Variants in SENP6 observed in about 807,000 individuals in gnomAD.
The protein encoded by SENP6 is sentrin-specific protease 6.
Under a neutral mutation model 134.5 loss-of-function variants are expected in SENP6, and 41 were observed. The ratio of observed to expected loss-of-function variants is 0.30; its 90% CI spans 0.24 to 0.40. The LOEUF is 0.40. SENP6 is among the 10% of genes least tolerant of loss of function. SENP6 has a pLI of 1.00. For missense variants in SENP6, 1,248 were observed against 1,312.5 expected, an observed-to-expected ratio of 0.95 and a Z score of 0.76; for synonymous variants, 395 against 429.8, an observed-to-expected ratio of 0.92 and a Z score of 1.00.
intron 9 of SENP6, 22 bp downstream of exon 9, chr6:75,663,540 A>G (rs1771939061): frequency 1.9e-6 from 3 of 1,549,254 alleles, no homozygotes; most frequent in Non-Finnish European, 8.8e-7. Context: ...ACTCCCTTTA[A>G]TATTGCTTAT....
chr6:75,679,827 T>C (rs376601021), intron 16 of SENP6: 12 of 152,344 alleles, frequency 7.9e-5, no homozygotes, highest in African/African-American at 2.6e-4. Flanking sequence ...TAGTTTCTTA[T>C]ACTGTGTTTC....
At chr6:75,643,961 G>A (rs1431989805) in intron 6 of SENP6, 1 of 152,094 alleles carries the variant, frequency 6.6e-6, no homozygotes, top group African/African-American at 2.4e-5. Context: ...TCCAGATCCT[G>A]GTTTCTAAAT....
intron 1 of SENP6, among the ~76,000 whole-genome samples, chr6:75,613,631 A>G (rs1767629920): frequency 6.6e-6 from 1 of 152,220 alleles, no homozygotes; most frequent in Non-Finnish European, 1.5e-5. Context: ...GTGGAGCACT[A>G]AATGATAATG....
chr6:75,675,239 G>T (rs190122282), intron 11 of SENP6, among the ~76,000 whole-genome samples, 196 bp from the exon 12 acceptor site: 30 of 152,166 alleles, frequency 2.0e-4, no homozygotes, highest in Admixed American at 9.8e-4. Context: ...GATGTGACAA[G>T]AATGTTAACA....
Position 75,602,526 on chromosome 6 carries a change from TGGC to T in SENP6, c.6_8del (p.Ala3?). ...AGGAGGCGGCGTGGGAGGAGGAAGATGGCGGCCGGCAAGAGCGGCGGTAGCGCA... is the reference window on the plus strand; with the variant it reads ...AGGAGGCGGCGTGGGAGGAGGAAGATGGCCGGCAAGAGCGGCGGTAGCGCA... On this transcript the variant is annotated start_lost and inframe_deletion, in exon 1 of 24. Transcript: ENST00000447266. 6.4e-7 allele frequency: 1 copy of T among 1,551,370 alleles called. No homozygotes were observed. The highest frequency in any genetic ancestry group is 8.7e-7 in the Non-Finnish European group (1 of 1,146,892).
Position 75,699,212 on chromosome 6 carries a change from G to C in SENP6, c.2288+1695G>C, listed in dbSNP as rs112638051. On this transcript the variant is annotated intron_variant, in intron 18 of 23. Coordinates refer to ENST00000447266, the MANE Select transcript of SENP6 (RefSeq NM_015571.4). ...TAGGAATAGAGGCGCATCCCTCTTA[G>C]TCACTATACCTCTGCATGGAAGTTA... Among the ~76,000 whole-genome samples the C allele has an allele frequency of 9.6e-3, 1,437 of 150,040 alleles. 23 individuals are homozygous for C. Among genetic ancestry groups the C allele is most frequent in the African/African-American group, 0.033 (1,376 of 41,494 alleles).
chr6:75,607,302 A>G (rs183934912), intron 1 of SENP6, among the ~76,000 whole-genome samples: 1 of 145,586 alleles, frequency 6.9e-6, no homozygotes, highest in South Asian at 2.2e-4. Flanking sequence ...CCTGCCACCC[A>G]AAAAAAAAAA....
intron 16 of SENP6, among the ~76,000 whole-genome samples, chr6:75,691,625 A>G (rs191416723): frequency 6.7e-6 from 1 of 149,834 alleles, no homozygotes; most frequent in Admixed American, 6.6e-5. Context: ...TTTGAGACGG[A>G]GCCTCGCTCT....
intron 16 of SENP6, among the ~76,000 whole-genome samples, chr6:75,684,631 C>T (rs908874807): frequency 4.6e-5 from 7 of 152,122 alleles, no homozygotes; most frequent in Middle Eastern, 3.2e-3. Flanking sequence ...TTGTCAAAGG[C>T]CTTTTCTGCA....
At chr6:75,614,531 G>A (rs1346779412) in intron 1 of SENP6, among the ~76,000 whole-genome samples, 1 of 152,106 alleles carries the variant, frequency 6.6e-6, no homozygotes, top group African/African-American at 2.4e-5. Flanking sequence ...CTCCCAAAGT[G>A]CTAGGATTAC....
At chr6:75,697,403 A>G in intron 17 of SENP6, 22 bp from the exon 18 acceptor site, 1 of 1,527,990 alleles carries the variant, frequency 6.5e-7, no homozygotes, top group Non-Finnish European at 9.0e-7. Flanking sequence ...TCAGAAGCTT[A>G]TAATTTATCT....
At chr6:75,672,322 C>G (rs1394289411) in intron 11 of SENP6, among the ~76,000 whole-genome samples, 2 of 152,058 alleles carry the variant, frequency 1.3e-5, no homozygotes, top group Non-Finnish European at 2.9e-5. Flanking sequence ...AGTCTTAAAG[C>G]TGTTTATGAA....
At chr6:75,671,303 T>C (rs1398741824) in intron 11 of SENP6, among the ~76,000 whole-genome samples, 1 of 152,236 alleles carries the variant, frequency 6.6e-6, no homozygotes, top group Non-Finnish European at 1.5e-5. Flanking sequence ...TGTTGCTAGA[T>C]TAATTGTAAA....
intron 7 of SENP6, among the ~76,000 whole-genome samples, chr6:75,653,283 G>A (rs554293389): frequency 1.2e-4 from 19 of 152,058 alleles, no homozygotes; most frequent in Non-Finnish European, 2.2e-4. Flanking sequence ...CCCCCGCCTC[G>A]GCCTCCCAAA....
intron 7 of SENP6, among the ~76,000 whole-genome samples, chr6:75,652,431 C>T (rs2149853947): frequency 6.6e-6 from 1 of 151,862 alleles, no homozygotes; most frequent in East Asian, 1.9e-4. Context: ...TATTACTGTA[C>T]TGGTACGTGC....
At chr6:75,603,788 A>C (rs1766817989) in intron 1 of SENP6, among the ~76,000 whole-genome samples, 1 of 152,112 alleles carries the variant, frequency 6.6e-6, no homozygotes, top group South Asian at 2.1e-4. Flanking sequence ...ATTTTTCTTA[A>C]TTCTTCTTAC....
chr6:75,670,564 T>G lies in SENP6; in HGVS notation c.1236T>G (p.Ser412=), dbSNP rs1772590067. ...CTTTTCCTTTTTAGTTTGGCAATTCTATTATCAACACACCTCTGAAACGTC... is the reference window on the plus strand; with the variant it reads ...CTTTTCCTTTTTAGTTTGGCAATTCGATTATCAACACACCTCTGAAACGTC... ...KARMKDQFGN[S]IINTPLKRRK... The change falls in exon 11 of 24, where the codon TCT becomes TCG. Residue 412 remains serine, a synonymous_variant. Coordinates refer to ENST00000447266, the MANE Select transcript of SENP6 (RefSeq NM_015571.4). 6.2e-7 allele frequency: 1 copy of G among 1,600,874 alleles called. No individual in the cohort carries two copies. Among genetic ancestry groups the G allele is most frequent in the Admixed American group, 1.7e-5 (1 of 57,270 alleles).
intron 7 of SENP6, among the ~76,000 whole-genome samples, chr6:75,653,318 A>G (rs566463814): frequency 6.6e-6 from 1 of 152,314 alleles, no homozygotes; most frequent in South Asian, 2.1e-4. Context: ...GGCATGAGCC[A>G]CTGTGCCTGG....
intron 11 of SENP6, among the ~76,000 whole-genome samples, chr6:75,672,036 C>CT (rs1427706831): frequency 6.6e-6 from 1 of 152,144 alleles, no homozygotes; most frequent in East Asian, 1.9e-4. Flanking sequence ...ATTGTCTACC[C>CT]TTTATTGCCC....
Sources: allele counts gnomAD v4.1 joint callset (sites outside exome capture counted in the v4.1 genomes callset), GRCh38; gene constraint gnomAD v4.1.1; transcripts MANE v1.5; gene names NCBI Gene and HGNC (gene_info 2026-07-23, HGNC 2026-07-21).